The following XKR6 variants were observed in gnomAD, a reference collection of about 807,000 sequenced individuals.
XKR6 encodes the protein XK-related protein 6.
Under a neutral mutation model 56.7 loss-of-function variants are expected in XKR6, and 22 were observed. The ratio of observed to expected loss-of-function variants is 0.39; its 90% CI spans 0.28 to 0.55. The LOEUF is 0.55. Among genes scored for constraint, XKR6 ranks in the 20% least tolerant of loss-of-function variants. The pLI is 0.66. For synonymous variants in XKR6, 524 were observed against 387.8 expected (o/e 1.35, Z -4.13); for missense variants, 852 against 889.0 (o/e 0.96, Z 0.53).
intron 1 of XKR6, among the ~76,000 whole-genome samples, chr8:11,097,663 C>T (rs888947819): frequency 4.6e-5 from 7 of 151,544 alleles, no homozygotes; most frequent in Admixed American, 3.3e-4. Context: ...CAAAATTAGC[C>T]GGGCGTGGTG....
At chr8:10,899,401 T>A (rs946557433) in intron 2 of XKR6, among the ~76,000 whole-genome samples, 1 of 152,230 alleles carries the variant, frequency 6.6e-6, no homozygotes, top group African/African-American at 2.4e-5. Context: ...TCCTCTGAGG[T>A]GCTGGAATCA....
chr8:11,064,946 T>C (rs1018625127), intron 1 of XKR6, among the ~76,000 whole-genome samples: 2 of 152,258 alleles, frequency 1.3e-5, no homozygotes, highest in African/African-American at 4.8e-5. Context: ...AAGCATACTG[T>C]ACTTGTCTAT....
intron 1 of XKR6, among the ~76,000 whole-genome samples, chr8:11,153,401 AG>A (rs1229510997): frequency 6.6e-6 from 1 of 152,258 alleles, no homozygotes; most frequent in Non-Finnish European, 1.5e-5. Context: ...GGATAACTTT[AG>A]CCCCAAAAAC....
At chr8:11,071,194 C>T (rs966563078) in intron 1 of XKR6, among the ~76,000 whole-genome samples, 36 of 152,166 alleles carry the variant, frequency 2.4e-4, no homozygotes, top group Non-Finnish European at 8.8e-5. Context: ...AGCTTCCTCA[C>T]GGGTGTGTGG....
chr8:10,899,580 C>G (rs182476437), intron 2 of XKR6, among the ~76,000 whole-genome samples: 116 of 152,332 alleles, frequency 7.6e-4, no homozygotes, highest in Middle Eastern at 6.8e-3. Flanking sequence ...GTCTTTTCGG[C>G]CTCTCCACAA....
rs61138077 is a variant in XKR6, at chr8:10,984,695, G to GCTCT, written c.765-59869_765-59866dup. 3.7e-3 allele frequency among the ~76,000 whole-genome samples: 207 copies of GCTCT among 56,248 alleles called. 8 individuals carry two copies. The highest frequency in any genetic ancestry group is 6.9e-3 in the East Asian group (20 of 2,904). 36.9% of individuals were successfully genotyped at this position (56,248 alleles called of 152,430 possible). A position where few individuals can be genotyped will look rare whatever the true frequency, so the allele number is the denominator to read the frequency against. ...AGTAACACAAAAGATAAAATACATG[G>GCTCT]CTCTCTCTCTCTCTCTCTCTCTCTC... On this transcript the variant is annotated intron_variant, in intron 1 of 2. Coordinates refer to ENST00000416569, the MANE Select transcript of XKR6 (RefSeq NM_173683.4).
chr8:10,901,708 C>A (rs572336247), intron 2 of XKR6, among the ~76,000 whole-genome samples: 3 of 152,138 alleles, frequency 2.0e-5, no homozygotes, highest in African/African-American at 7.2e-5. Flanking sequence ...AACTCTATTA[C>A]CTTCTACTCA....
At chr8:11,194,238 C>G (rs1803744490) in intron 1 of XKR6, among the ~76,000 whole-genome samples, 2 of 152,146 alleles carry the variant, frequency 1.3e-5, no homozygotes, top group Non-Finnish European at 2.9e-5. Flanking sequence ...CATTAAAGAT[C>G]AATCCATTTA....
rs1318137619 is a variant in XKR6, at chr8:11,037,478, G to A, written c.765-112648C>T. On this transcript the variant is annotated intron_variant, in intron 1 of 2. Coordinates refer to ENST00000416569, the MANE Select transcript of XKR6 (RefSeq NM_173683.4). The stretch of plus-strand genomic sequence containing the variant: ...GGGATCTAGCGATCCACCCACCTCC[G>A]GCTCCAAAAGTACCGGGATTACAGG... Among the ~76,000 whole-genome samples, 4 of 152,152 alleles carry A rather than the reference G, an allele frequency of 2.6e-5. No homozygotes were observed. In the South Asian group the frequency reaches 6.2e-4, roughly 24 times the overall value.
At chr8:11,037,966 G>A (rs556041884) in intron 1 of XKR6, among the ~76,000 whole-genome samples, 23 of 150,710 alleles carry the variant, frequency 1.5e-4, no homozygotes, top group Non-Finnish European at 4.4e-5. Flanking sequence ...GGCAGAGGTT[G>A]TAGTGAGCCA....
At chr8:10,956,274 G>C (rs1320992141) in intron 1 of XKR6, among the ~76,000 whole-genome samples, 1 of 152,198 alleles carries the variant, frequency 6.6e-6, no homozygotes, top group East Asian at 1.9e-4. Flanking sequence ...CACTCCGGTT[G>C]TCATCACGGT....
intron 1 of XKR6, among the ~76,000 whole-genome samples, chr8:11,127,110 TA>T (rs1008461671): frequency 6.4e-4 from 98 of 152,310 alleles, no homozygotes; most frequent in African/African-American, 2.3e-3. Flanking sequence ...GTACATTGGA[TA>T]AACATCATCA....
chr8:11,198,919 CAA>C (rs879780901), intron 1 of XKR6, among the ~76,000 whole-genome samples: 1 of 143,296 alleles, frequency 7.0e-6, no homozygotes, highest in African/African-American at 2.6e-5. Context: ...AGCCCCCGCC[CAA>C]AAAAAAAAAG....
At chr8:10,978,850 G>A (rs906952735) in intron 1 of XKR6, among the ~76,000 whole-genome samples, 2 of 152,162 alleles carry the variant, frequency 1.3e-5, no homozygotes, top group African/African-American at 2.4e-5. Flanking sequence ...AGTGGCCACC[G>A]TGGCCTGTGG....
At chr8:10,960,701 T>G (rs1802035440) in intron 1 of XKR6, among the ~76,000 whole-genome samples, 1 of 152,190 alleles carries the variant, frequency 6.6e-6, no homozygotes, top group African/African-American at 2.4e-5. Flanking sequence ...AATCAGAACC[T>G]TAGGTCTGAG....
chr8:11,077,843 G>T (rs1183244865), intron 1 of XKR6, among the ~76,000 whole-genome samples: 1 of 152,192 alleles, frequency 6.6e-6, no homozygotes, highest in Non-Finnish European at 1.5e-5. Flanking sequence ...GTCACAAGAG[G>T]GGGACCCTGG....
chr8:10,931,782 G>C (rs1801057004), intron 1 of XKR6, among the ~76,000 whole-genome samples: 1 of 151,476 alleles, frequency 6.6e-6, no homozygotes, highest in South Asian at 2.1e-4. Context: ...TCTGTACCTT[G>C]TATCAGACAA....
intron 1 of XKR6, among the ~76,000 whole-genome samples, chr8:10,989,874 C>G (rs1797948849): frequency 6.6e-6 from 1 of 152,336 alleles, no homozygotes; most frequent in African/African-American, 2.4e-5. Context: ...TCTAGCCATA[C>G]TAATCTGTCA....
chr8:11,119,163 G>C (rs1799324560), intron 1 of XKR6, among the ~76,000 whole-genome samples: 1 of 152,046 alleles, frequency 6.6e-6, no homozygotes, highest in South Asian at 2.1e-4. Context: ...TTTGCACTGT[G>C]GTCTGAGAGA....
Sources: allele counts gnomAD v4.1 joint callset (sites outside exome capture counted in the v4.1 genomes callset), GRCh38; gene constraint gnomAD v4.1.1; transcripts MANE v1.5; gene names NCBI Gene and HGNC (gene_info 2026-07-23, HGNC 2026-07-21).